The following SORCS3 variants were observed in gnomAD, a reference collection of about 807,000 sequenced individuals.
SORCS3 encodes the protein VPS10 domain-containing receptor SorCS3.
A neutral mutation model predicts 146.3 loss-of-function variants in SORCS3; 57 were observed. The ratio of observed to expected loss-of-function variants is 0.39; its 90% CI spans 0.31 to 0.49. SORCS3 has a LOEUF of 0.49. Among genes scored for constraint, SORCS3 ranks in the 20% least tolerant of loss-of-function variants. The pLI, the probability that SORCS3 is intolerant of heterozygous loss-of-function variation, is 0.92. For missense variants in SORCS3, 1,341 were observed against 1,575.5 expected (o/e 0.85, Z 2.52); for synonymous variants, 653 against 618.5 (o/e 1.06, Z -0.83).
intron 1 of SORCS3, among the ~76,000 whole-genome samples, chr10:104,697,900 A>G (rs1047088322): frequency 6.6e-6 from 1 of 152,186 alleles, no homozygotes; most frequent in Non-Finnish European, 1.5e-5. Flanking sequence ...TAATGAGGCT[A>G]TTCAGCATAT....
At chr10:104,944,897 G>T (rs536309170) in intron 3 of SORCS3, among the ~76,000 whole-genome samples, 2 of 152,232 alleles carry the variant, frequency 1.3e-5, no homozygotes, top group South Asian at 4.1e-4. Flanking sequence ...ACATGTACAA[G>T]AAAGGTCATA....
intron 3 of SORCS3, among the ~76,000 whole-genome samples, chr10:104,967,823 T>A (rs2054834713): frequency 1.3e-5 from 2 of 151,058 alleles, no homozygotes; most frequent in South Asian, 4.2e-4. Flanking sequence ...CACACCAGAC[T>A]AATTTTTTTT....
At chr10:104,940,238 A>ATATATATATATATTTT (rs1435205868) in intron 3 of SORCS3, among the ~76,000 whole-genome samples, 11 of 31,502 alleles carry the variant, frequency 3.5e-4, no homozygotes, top group South Asian at 2.0e-3. Flanking sequence ...ATATATATAT[A>ATATATATATATATTTT]TTTTTTTTTT....
At chr10:104,701,169 TA>T (rs1259466669) in intron 1 of SORCS3, among the ~76,000 whole-genome samples, 1 of 152,146 alleles carries the variant, frequency 6.6e-6, no homozygotes, top group Non-Finnish European at 1.5e-5. Context: ...AAAATATACA[TA>T]AGCAATGTTT....
chr10:105,179,048 G>T, intron 14 of SORCS3, among the ~76,000 whole-genome samples: 1 of 152,148 alleles, frequency 6.6e-6, no homozygotes, highest in East Asian at 1.9e-4. Context: ...CAATGGTGAT[G>T]GACTTGGAAG....
intron 5 of SORCS3, among the ~76,000 whole-genome samples, chr10:105,064,891 C>A (rs765932317): frequency 6.6e-6 from 1 of 152,164 alleles, no homozygotes; most frequent in Non-Finnish European, 1.5e-5. Context: ...CACAGATATA[C>A]CCAGAAATAA....
At chr10:105,146,123 A>C (rs1172435000) in intron 8 of SORCS3, among the ~76,000 whole-genome samples, 2 of 151,952 alleles carry the variant, frequency 1.3e-5, no homozygotes, top group African/African-American at 4.8e-5. Context: ...TCTGCTATCT[A>C]TTACTCTTTG....
chr10:104,758,585 C>T (rs1185719149), intron 1 of SORCS3, among the ~76,000 whole-genome samples: 3 of 152,066 alleles, frequency 2.0e-5, no homozygotes, highest in Non-Finnish European at 4.4e-5. Context: ...TCCAAGATCC[C>T]GGGCCTTTGA....
chr10:104,781,758 G>T (rs569992435), intron 1 of SORCS3, among the ~76,000 whole-genome samples: 2 of 152,230 alleles, frequency 1.3e-5, no homozygotes, highest in Non-Finnish European at 2.9e-5. Flanking sequence ...AGATGGGCAG[G>T]TGCCCCCATA....
Position 105,147,701 on chromosome 10 carries a change from A to G in SORCS3, c.1387A>G (p.Ile463Val), listed in dbSNP as rs767364828. 22 of 1,613,032 alleles carry G rather than the reference A, an allele frequency of 1.4e-5. No individual in the cohort carries two copies. The highest frequency in any genetic ancestry group is 1.2e-4 in the African/African-American group (9 of 74,852). ...WNQNDTYNLY[I>V]SDTRGIYFTL... ...CCAGAACGACACGTACAACCTCTAC[A>G]TCTCAGACACGCGTGGGATTTACTT... The change falls in exon 9 of 27, where the codon ATC (isoleucine) becomes GTC (valine). Residue 463 changes from isoleucine to valine, a missense_variant. By Grantham distance (29) the Ile-to-Val change is conservative. Transcript: ENST00000369701.
chr10:104,966,149 C>G (rs568972085), intron 3 of SORCS3, among the ~76,000 whole-genome samples: 1 of 151,708 alleles, frequency 6.6e-6, no homozygotes, highest in Non-Finnish European at 1.5e-5. Flanking sequence ...CACTAGATAC[C>G]GGAACTCTCT....
chr10:104,950,722 A>AAGGG (rs1160315237), intron 3 of SORCS3, among the ~76,000 whole-genome samples: 1 of 152,174 alleles, frequency 6.6e-6, no homozygotes, highest in East Asian at 1.9e-4. Flanking sequence ...CTTAAAAAGG[A>AAGGG]AGGGAGGAGT....
intron 3 of SORCS3, among the ~76,000 whole-genome samples, chr10:104,932,402 G>T (rs1340971920): frequency 2.0e-5 from 3 of 152,210 alleles, no homozygotes; most frequent in Admixed American, 2.0e-4. Context: ...ACCCCTGGAA[G>T]TGAGGGAGAA....
intron 1 of SORCS3, among the ~76,000 whole-genome samples, chr10:104,820,234 C>T (rs932380788): frequency 2.6e-5 from 4 of 152,104 alleles, no homozygotes; most frequent in East Asian, 1.9e-4. Context: ...GCTTGGTTAC[C>T]TAATCTAAGT....
chr10:104,922,888 A>G (rs2019101706), intron 3 of SORCS3, among the ~76,000 whole-genome samples: 1 of 152,184 alleles, frequency 6.6e-6, no homozygotes, highest in Non-Finnish European at 1.5e-5. Flanking sequence ...ATACCCTTAT[A>G]TGTGTGAGAG....
intron 1 of SORCS3, among the ~76,000 whole-genome samples, chr10:104,815,118 G>A (rs955238081): frequency 8.5e-5 from 13 of 152,180 alleles, no homozygotes; most frequent in Non-Finnish European, 1.8e-4. Flanking sequence ...TGTTCTGTCA[G>A]TGAAACCCCA....
At chr10:104,728,411 A>C (rs965927370) in intron 1 of SORCS3, among the ~76,000 whole-genome samples, 1 of 152,196 alleles carries the variant, frequency 6.6e-6, no homozygotes, top group African/African-American at 2.4e-5. Flanking sequence ...GAGAAAACCT[A>C]GGCAAGACTG....
At chr10:105,239,084 C>T (rs1359802262) in intron 20 of SORCS3, among the ~76,000 whole-genome samples, 1 of 152,108 alleles carries the variant, frequency 6.6e-6, no homozygotes, top group Admixed American at 6.5e-5. Flanking sequence ...GTGAATAGAA[C>T]CATGAATTTG....
intron 1 of SORCS3, among the ~76,000 whole-genome samples, chr10:104,799,333 G>T (rs565042325): frequency 2.0e-5 from 3 of 152,150 alleles, no homozygotes; most frequent in Non-Finnish European, 4.4e-5. Context: ...AGAAAATGTG[G>T]CATATATACA....
Sources: allele counts gnomAD v4.1 joint callset (sites outside exome capture counted in the v4.1 genomes callset), GRCh38; gene constraint gnomAD v4.1.1; transcripts MANE v1.5; gene names NCBI Gene and HGNC (gene_info 2026-07-23, HGNC 2026-07-21).